Variants in R3HCC1L observed in about 807,000 individuals in gnomAD.
The protein encoded by R3HCC1L is R3H domain and coiled-coil containing 1 like, also known as coiled-coil domain-containing protein R3HCC1L.
Under a neutral mutation model 59.9 loss-of-function variants are expected in R3HCC1L, and 51 were observed. That is an observed-to-expected ratio of 0.85 (90% CI 0.68 to 1.07). R3HCC1L has a LOEUF of 1.07. Among genes scored for constraint, R3HCC1L ranks in the 50% least tolerant of loss-of-function variants. The pLI is 0.00. For missense variants in R3HCC1L, 965 were observed against 933.0 expected, an observed-to-expected ratio of 1.03 and a Z score of -0.45; for synonymous variants, 322 against 315.2, an observed-to-expected ratio of 1.02 and a Z score of -0.23.
intron 5 of R3HCC1L, among the ~76,000 whole-genome samples, chr10:98,227,948 A>G (rs1388139662): frequency 6.6e-6 from 1 of 152,114 alleles, no homozygotes; most frequent in Non-Finnish European, 1.5e-5. Context: ...TCCATGGTGT[A>G]TATGTGCCAC....
chr10:98,137,964 A>G (rs1318849707), intron 1 of R3HCC1L, among the ~76,000 whole-genome samples: 1 of 151,074 alleles, frequency 6.6e-6, no homozygotes, highest in Non-Finnish European at 1.5e-5. Flanking sequence ...AGACTTGGTG[A>G]CCTTCATTTT....
intron 1 of R3HCC1L, among the ~76,000 whole-genome samples, chr10:98,149,386 C>T (rs1845940300): frequency 6.6e-6 from 1 of 152,036 alleles, no homozygotes; most frequent in African/African-American, 2.4e-5. Context: ...TTCTTTCCTT[C>T]TACTAATTTT....
At chr10:98,214,345 A>G (rs759640471) in intron 5 of R3HCC1L, among the ~76,000 whole-genome samples, 1 of 152,074 alleles carries the variant, frequency 6.6e-6, no homozygotes, top group Non-Finnish European at 1.5e-5. Context: ...CATGTGGAGT[A>G]TGGTTAGGGC....
rs761224574 is a variant in R3HCC1L at position 98,208,311 on chromosome 10, C to T, written c.197C>T (p.Pro66Leu). The T allele has an allele frequency of 1.4e-5, 22 of 1,613,936 alleles. No individual in the cohort carries two copies. Among genetic ancestry groups the T allele is most frequent in the East Asian group, 4.5e-5 (2 of 44,866 alleles). The change falls in exon 5 of 10, where the codon CCG (proline) becomes CTG (leucine). Residue 66 changes from proline to leucine, a missense_variant. Transcript: ENST00000298999. ...LSQKEVFKDK[P>L]EARRLNINPD... is the part of the protein sequence containing the mutation. ...CAAAAAGAAGTCTTTAAAGACAAAC[C>T]GGAGGCTCGAAGACTAAATATCAAT...
chr10:98,191,727 G>A (rs1017838812), intron 4 of R3HCC1L, among the ~76,000 whole-genome samples: 5 of 152,198 alleles, frequency 3.3e-5, no homozygotes, highest in Admixed American at 6.5e-5. Context: ...GTCCTTGCCC[G>A]TGCATATGTC....
intron 5 of R3HCC1L, among the ~76,000 whole-genome samples, chr10:98,222,241 C>T (rs565034347): frequency 2.0e-5 from 3 of 152,250 alleles, no homozygotes; most frequent in Non-Finnish European, 4.4e-5. Context: ...TATCCTGAGT[C>T]TTTGCTGAAG....
chr10:98,168,931 G>A (rs1330371015), intron 4 of R3HCC1L, among the ~76,000 whole-genome samples: 2 of 152,208 alleles, frequency 1.3e-5, no homozygotes, highest in African/African-American at 4.8e-5. Context: ...TTGGTAGGAA[G>A]AAGTATAGAG....
intron 1 of R3HCC1L, among the ~76,000 whole-genome samples, chr10:98,153,287 G>A (rs973756930): frequency 2.0e-5 from 3 of 152,290 alleles, no homozygotes; most frequent in Admixed American, 2.0e-4. Flanking sequence ...TCTGCCTTGG[G>A]ATGCTGTTGA....
chr10:98,191,598 C>T (rs917762621), intron 4 of R3HCC1L, among the ~76,000 whole-genome samples: 10 of 152,098 alleles, frequency 6.6e-5, no homozygotes, highest in Non-Finnish European at 1.2e-4. Flanking sequence ...TCCCATTCTG[C>T]AGGTTGCCTG....
intron 5 of R3HCC1L, among the ~76,000 whole-genome samples, chr10:98,210,397 AT>A (rs1298156980): frequency 1.3e-5 from 2 of 152,218 alleles, no homozygotes; most frequent in Non-Finnish European, 2.9e-5. Context: ...TGAAGAATGA[AT>A]TACCCATTTA....
chr10:98,165,495 A>T (rs1347108789), intron 4 of R3HCC1L, among the ~76,000 whole-genome samples: 1 of 152,240 alleles, frequency 6.6e-6, no homozygotes, highest in Non-Finnish European at 1.5e-5. Context: ...TTTATCTCAG[A>T]CAAATGTACA....
At chr10:98,240,980 C>T (rs113988078) in intron 9 of R3HCC1L, among the ~76,000 whole-genome samples, 55 of 152,186 alleles carry the variant, frequency 3.6e-4, no homozygotes, top group African/African-American at 1.3e-3. Flanking sequence ...GTACATGGTT[C>T]CTTGTGTTAA....
chr10:98,222,888 C>T (rs1012994733), intron 5 of R3HCC1L, among the ~76,000 whole-genome samples: 5 of 152,162 alleles, frequency 3.3e-5, no homozygotes, highest in Non-Finnish European at 5.9e-5. Context: ...ATACAAACTA[C>T]CATCAGAGAA....
intron 4 of R3HCC1L, among the ~76,000 whole-genome samples, chr10:98,170,429 C>A (rs1848405679): frequency 6.6e-6 from 1 of 152,132 alleles, no homozygotes; most frequent in South Asian, 2.1e-4. Flanking sequence ...AGTCTCCCTC[C>A]CTCTCAGCCT....
Position 98,162,906 on chromosome 10 carries a change from C to CAGGCT in R3HCC1L, c.-188_-184dup, listed in dbSNP as rs1412202328. ...AGAGACGGAGTTTTGCCATGTTGTC[C>CAGGCT]AGGCTGGTGTCGAAATCCTGAGCTC... On this transcript the variant is annotated 5_prime_UTR_variant, in exon 3 of 10. The change abolishes the stop of an existing upstream ORF in the 5' untranslated region. Transcript: ENST00000298999. The CAGGCT allele has an allele frequency of 2.0e-5, 3 of 152,488 alleles. No homozygotes were observed. Among genetic ancestry groups the CAGGCT allele is most frequent in the Non-Finnish European group, 4.4e-5 (3 of 68,320 alleles). 9.4% of individuals were successfully genotyped at this position (152,488 alleles called of 1,614,324 possible).
At chr10:98,160,473 T>C (rs1262288124) in intron 2 of R3HCC1L, among the ~76,000 whole-genome samples, 1 of 152,226 alleles carries the variant, frequency 6.6e-6, no homozygotes. Flanking sequence ...TTAATGTGGC[T>C]ACTAGAAAAT....
At chr10:98,207,444 C>T (rs1388283376) in intron 4 of R3HCC1L, among the ~76,000 whole-genome samples, 1 of 152,260 alleles carries the variant, frequency 6.6e-6, no homozygotes, top group Non-Finnish European at 1.5e-5. Flanking sequence ...CTTCTATCCT[C>T]CTTCATCCTA....
At chr10:98,154,606 C>G (rs1393340463) in intron 1 of R3HCC1L, among the ~76,000 whole-genome samples, 1 of 152,158 alleles carries the variant, frequency 6.6e-6, no homozygotes, top group Admixed American at 6.6e-5. Flanking sequence ...GCCACATAGC[C>G]ACACCTTGCT....
chr10:98,202,624 C>T (rs970263656), intron 4 of R3HCC1L, among the ~76,000 whole-genome samples: 13 of 151,974 alleles, frequency 8.6e-5, no homozygotes, highest in African/African-American at 1.4e-4. Flanking sequence ...GAGCCTGAGG[C>T]GGGCGGAACA....
Sources: gnomAD v4.1 joint callset for allele counts (sites outside exome capture counted in the v4.1 genomes callset) on GRCh38, gnomAD v4.1.1 for gene constraint, MANE v1.5 for transcripts, NCBI Gene and HGNC (gene_info 2026-07-23, HGNC 2026-07-21) for gene names.